The following ZNF445 variants were observed in gnomAD, a reference collection of about 807,000 sequenced individuals.
ZNF445 encodes zinc finger protein 445.
ZNF445 carries 19 observed loss-of-function variants against 93.9 expected under a neutral mutation model. That is an observed-to-expected ratio of 0.20 (90% CI 0.14 to 0.30). The LOEUF (loss-of-function observed/expected upper bound fraction) is 0.30, where lower values mean the gene tolerates loss of function less well. Ranked by LOEUF, ZNF445 falls within the 10% of genes least tolerant of loss-of-function variation. ZNF445 has a pLI of 1.00. For synonymous variants in ZNF445, 449 were observed against 446.3 expected, an observed-to-expected ratio of 1.01 and a Z score of -0.08; for missense variants, 1,058 against 1,259.4, an observed-to-expected ratio of 0.84 and a Z score of 2.42.
Position 44,433,115 on chromosome 3 carries a change from G to C in ZNF445, c.*13460C>G, listed in dbSNP as rs1178863095. On this transcript the variant is annotated 3_prime_UTR_variant, in exon 8 of 8. Coordinates refer to ENST00000396077, the MANE Select transcript of ZNF445 (RefSeq NM_181489.6). Reference sequence around the variant, plus strand: ...CACCCAAAGCTTCCTGGGATGCTAAGGGTCATCGTTCTTTTTTTTTTTTTT... The same window carrying C: ...CACCCAAAGCTTCCTGGGATGCTAACGGTCATCGTTCTTTTTTTTTTTTTT... The C allele has an allele frequency of 6.6e-6, 1 of 151,918 alleles. No homozygotes were observed. The allele number at this position is 151,918 out of a possible 1,614,324, so 9.4% of individuals were successfully genotyped here.
chr3:44,463,992 G>A (rs1698157521), intron 1 of ZNF445, among the ~76,000 whole-genome samples: 1 of 152,150 alleles, frequency 6.6e-6, no homozygotes, highest in South Asian at 2.1e-4. Flanking sequence ...CAGGCGTAGT[G>A]GTGCGTGCCT....
Position 44,441,253 on chromosome 3 carries a change from G to C in ZNF445, c.*5322C>G, listed in dbSNP as rs746693805. The C allele has an allele frequency of 6.6e-6, 1 of 152,210 alleles. No individual in the cohort carries two copies. Among genetic ancestry groups the C allele is most frequent in the Non-Finnish European group, 1.5e-5 (1 of 68,038 alleles). The allele number at this position is 152,210 out of a possible 1,614,324, so 9.4% of individuals were successfully genotyped here. A position where few individuals can be genotyped will look rare whatever the true frequency, so the allele number is the denominator to read the frequency against. Reference sequence around the variant, plus strand: ...AAACTGTCATGGCACTGGTGGGAGTGTCTGTTAGCATGCTAATGCATTATA... The same window carrying C: ...AAACTGTCATGGCACTGGTGGGAGTCTCTGTTAGCATGCTAATGCATTATA... On this transcript the variant is annotated 3_prime_UTR_variant, in exon 8 of 8. Transcript: ENST00000396077.
At chr3:44,462,328 T>C (rs1698127589) in intron 1 of ZNF445, among the ~76,000 whole-genome samples, 1 of 152,218 alleles carries the variant, frequency 6.6e-6, no homozygotes, top group Non-Finnish European at 1.5e-5. Flanking sequence ...TTTCTCTTGG[T>C]TTCCGCCATC....
rs1002432771 is a variant in ZNF445, at chr3:44,447,886, T to G, written c.1785A>C (p.Lys595Asn). The G allele has an allele frequency of 6.2e-7, 1 of 1,613,748 alleles. No individual in the cohort carries two copies. Among genetic ancestry groups the G allele is most frequent in the Non-Finnish European group, 8.5e-7 (1 of 1,179,984 alleles). ...DHHLGDQSGE[K>N]LFDCSQCRKS... ...TCCTGCACTGGCTGCAGTCAAAGAG[T>G]TTCTCCCCACTTTGGTCTCCCAAAT... The change falls in exon 8 of 8, where the codon AAA becomes AAC. Residue 595 changes from lysine (K) to asparagine (N), a missense_variant. Transcript: ENST00000396077. The surrounding 1 kb of genome is among the most constrained non-coding windows in gnomAD (Gnocchi z 4.7).
intron 1 of ZNF445, among the ~76,000 whole-genome samples, chr3:44,469,809 A>ACAAACAAAG (rs1559399843): frequency 2.6e-5 from 4 of 152,084 alleles, no homozygotes; most frequent in African/African-American, 9.7e-5. Context: ...AACAAACAAA[A>ACAAACAAAG]CAAAGGAGTA....
chr3:44,464,902 C>T (rs1035952948), intron 1 of ZNF445, among the ~76,000 whole-genome samples: 6 of 151,908 alleles, frequency 3.9e-5, no homozygotes, highest in Admixed American at 3.9e-4. Flanking sequence ...GGTGAAACCC[C>T]GTCTCTTACT....
chr3:44,435,923 C>T lies in ZNF445; in HGVS notation c.*10652G>A, dbSNP rs1697670961. ...AGTTCAGAACTAGAGGCTGGTTATC[C>T]CAGAAAAGTCTAATTATTTGCCCTT... On this transcript the variant is annotated 3_prime_UTR_variant, in exon 8 of 8. Transcript: ENST00000396077. The T allele has an allele frequency of 6.6e-6, 1 of 152,106 alleles. No homozygotes were observed. The highest frequency in any genetic ancestry group is 1.5e-5 in the Non-Finnish European group (1 of 68,018). The allele number at this position is 152,106 out of a possible 1,614,324, so 9.4% of individuals were successfully genotyped here. A position where few individuals can be genotyped will look rare whatever the true frequency, so the allele number is the denominator to read the frequency against.
At chr3:44,464,160 AG>A (rs1698160447) in intron 1 of ZNF445, among the ~76,000 whole-genome samples, 1 of 152,158 alleles carries the variant, frequency 6.6e-6, no homozygotes, top group African/African-American at 2.4e-5. Context: ...AAACAGCAGC[AG>A]CAGCACTGCA....
chr3:44,470,690 G>A (rs1362006737), intron 1 of ZNF445, among the ~76,000 whole-genome samples: 1 of 152,158 alleles, frequency 6.6e-6, no homozygotes, highest in Non-Finnish European at 1.5e-5. Context: ...TGGGATGAAA[G>A]GGCTCTCCTT....
chr3:44,449,697 G>A, intron 6 of ZNF445, 74 bp from the exon 7 acceptor site: 2 of 1,280,180 alleles, frequency 1.6e-6, no homozygotes, highest in Non-Finnish European at 2.3e-6. Context: ...CTCTGGGCCT[G>A]AAGTCCTGGT....
chr3:44,460,765 A>G (rs1457831905), intron 1 of ZNF445, among the ~76,000 whole-genome samples: 1 of 152,200 alleles, frequency 6.6e-6, no homozygotes, highest in Non-Finnish European at 1.5e-5. Flanking sequence ...TTCTGTGTGA[A>G]TTACTTTCTC....
chr3:44,476,534 T>C (rs924288527), intron 1 of ZNF445, among the ~76,000 whole-genome samples: 2 of 152,148 alleles, frequency 1.3e-5, no homozygotes, highest in Non-Finnish European at 2.9e-5. Flanking sequence ...ATCAAATTAC[T>C]GCTCAAACCA....
chr3:44,446,794 G>A lies in ZNF445; in HGVS notation c.2877C>T (p.Cys959=), dbSNP rs1380132906. The A allele has an allele frequency of 6.2e-7, 1 of 1,614,034 alleles. No individual in the cohort carries two copies. Among genetic ancestry groups the A allele is most frequent in the African/African-American group, 1.3e-5 (1 of 74,910 alleles). Residue 959 remains cysteine (C), a synonymous_variant, in exon 8 of 8, where the codon TGC becomes TGT. Transcript: ENST00000396077. This position sits in a 1 kb window ranked among gnomAD's most constrained non-coding sequence, Gnocchi z 4.2. ...GTCCAGTGAGCCTGGAGCTCTGGCT[G>A]CAAGCTTCTTTGCAGTCTTCGAGGG... is the stretch of plus-strand genomic sequence containing the variant. The part of the protein sequence containing the change: ...EMPLEDCKEA[C]SQSSRLTGLQ...
intron 3 of ZNF445, among the ~76,000 whole-genome samples, chr3:44,452,305 C>A (rs1334769604): frequency 6.6e-6 from 1 of 151,142 alleles, no homozygotes; most frequent in African/African-American, 2.4e-5. Context: ...AGATGATGAA[C>A]TGACCACAAT....
intron 1 of ZNF445, among the ~76,000 whole-genome samples, chr3:44,463,521 C>G (rs573221446): frequency 6.6e-6 from 1 of 152,212 alleles, no homozygotes; most frequent in Non-Finnish European, 1.5e-5. Context: ...CAAAATCAAA[C>G]GCTCTGTTCT....
chr3:44,468,850 C>G (rs1300452094), intron 1 of ZNF445, among the ~76,000 whole-genome samples: 1 of 152,078 alleles, frequency 6.6e-6, no homozygotes. Context: ...TAATAAAACC[C>G]CAGTCTCCCA....
intron 1 of ZNF445, among the ~76,000 whole-genome samples, chr3:44,473,733 A>G (rs1698305662): frequency 7.3e-5 from 1 of 13,718 alleles, no homozygotes; most frequent in Non-Finnish European, 1.4e-4. Context: ...GGAAGGACTA[A>G]AAAAAAAAAA....
chr3:44,473,061 C>T (rs1428971886), intron 1 of ZNF445, among the ~76,000 whole-genome samples: 1 of 152,170 alleles, frequency 6.6e-6, no homozygotes, highest in Non-Finnish European at 1.5e-5. Flanking sequence ...TTAATGTCCC[C>T]ATGAGCTAGT....
rs774088464 is a variant in ZNF445 at position 44,455,482 on chromosome 3, A to G, written c.68T>C (p.Leu23Pro). Residue 23 changes from leucine to proline, a missense_variant, in exon 3 of 8, where the codon CTT becomes CCT. Leu to Pro is a moderately conservative substitution (Grantham distance 98, BLOSUM62 -3). This residue lies in a region of ZNF445 where 657 missense variants were observed against 746.4 expected (regional missense o/e 0.88). Transcript: ENST00000396077. ...CTCTTCTTCCTTCTTTACTGTCTGA[A>G]GCCGCCCTCGCTCCCTCGAAGACTG... ...QAQSSRERGR[L>P]QTVKKEEEDE... 3.1e-6 allele frequency: 5 copies of G among 1,613,754 alleles called. No individual in the cohort carries two copies. Among genetic ancestry groups the G allele is most frequent in the Admixed American group, 1.7e-5 (1 of 59,960 alleles).
Sources: gnomAD v4.1 joint callset for allele counts (sites outside exome capture counted in the v4.1 genomes callset) on GRCh38, gnomAD v4.1.1 for gene constraint, gnomAD v4.1.1 regional missense constraint, Gnocchi (gnomAD v3.1) non-coding constraint, MANE v1.5 for transcripts, NCBI Gene and HGNC (gene_info 2026-07-23, HGNC 2026-07-21) for gene names.